The following MMP12 variants were observed in gnomAD, a reference collection of about 807,000 sequenced individuals.
The protein encoded by MMP12 is matrix metallopeptidase 12, also known as macrophage metalloelastase.
A neutral mutation model predicts 45.2 loss-of-function variants in MMP12; 51 were observed. That is an observed-to-expected ratio of 1.13 (90% CI 0.90 to 1.42). The LOEUF is 1.42. Among genes scored for constraint, MMP12 ranks in the 40% most tolerant of loss-of-function variants. The pLI, the probability that MMP12 is intolerant of heterozygous loss-of-function variation, is 0.00. For missense variants in MMP12, 530 were observed against 570.8 expected, an observed-to-expected ratio of 0.93 and a Z score of 0.73; for synonymous variants, 210 against 193.3, an observed-to-expected ratio of 1.09 and a Z score of -0.72.
rs1555009641 is a variant in MMP12, at chr11:102,873,053, T to G, written c.162A>C (p.Lys54Asn). The change falls in exon 2 of 10, where the codon AAA becomes AAC. Residue 54 changes from lysine (K) to asparagine (N), a missense_variant. Lys to Asn is a moderately conservative substitution (Grantham distance 94). Coordinates refer to ENST00000571244, the MANE Select transcript of MMP12 (RefSeq NM_002426.6). Reference sequence around the variant, plus strand: ...TTTCCTTCATTAAGTTTCCACTATATTTCATTTTTGTCACTGGAAGTTTGT... The same window carrying G: ...TTTCCTTCATTAAGTTTCCACTATAGTTCATTTTTGTCACTGGAAGTTTGT... ...EINKLPVTKM[K>N]YSGNLMKEKI... The G allele has an allele frequency of 1.2e-6, 2 of 1,613,252 alleles. No homozygotes were observed. Among genetic ancestry groups the G allele is most frequent in the Non-Finnish European group, 1.7e-6 (2 of 1,179,468 alleles).
chr11:102,866,275 T>C (rs1859384939), intron 7 of MMP12, 40 bp downstream of exon 7: 2 of 1,524,758 alleles, frequency 1.3e-6, no homozygotes, highest in Middle Eastern at 1.8e-4. Flanking sequence ...ATTCTCTTCC[T>C]TGAAGTAAAC....
At position 102,871,866 on chromosome 11, in the gene MMP12, G is replaced by C. The variant is rs961069992; in HGVS notation, c.437C>G (p.Pro146Arg). The change falls in exon 3 of 10, where the codon CCC becomes CGC. Residue 146 changes from proline (P) to arginine (R), a missense_variant. Coordinates refer to ENST00000571244, the MANE Select transcript of MMP12 (RefSeq NM_002426.6). ...KAFQVWSNVT[P>R]LKFSKINTGM... ...TGTGTTAATCTTGCTGAATTTCAAG[G>C]GGGTAACATTACTCCATACTTGGAA... 1.2e-6 allele frequency: 2 copies of C among 1,613,710 alleles called. No individual in the cohort carries two copies. Among genetic ancestry groups the C allele is most frequent in the African/African-American group, 2.7e-5 (2 of 74,914 alleles).
At chr11:102,873,341 T>C (rs1859536487) in intron 1 of MMP12, among the ~76,000 whole-genome samples, 1 of 152,192 alleles carries the variant, frequency 6.6e-6, no homozygotes, top group Non-Finnish European at 1.5e-5. Flanking sequence ...AGCTCAGGCC[T>C]GTAATCCCAG....
rs1431785153 is a variant in MMP12, at chr11:102,867,359, AG to A, written c.821del (p.Pro274LeufsTer13). On this transcript the variant is annotated frameshift_variant, in exon 6 of 10. Coordinates refer to ENST00000571244, the MANE Select transcript of MMP12 (RefSeq NM_002426.6). LOFTEE classifies it high-confidence loss of function. ...DPKENQRLPN[P>X]DNSEPALCDP... ...CACAGAGAGCTGGTTCTGAATTGTC[AG>A]GATTTGGCAAGCGTTGGTTCTCTTT... The A allele has an allele frequency of 6.2e-7, 1 of 1,611,504 alleles. No homozygotes were observed. Among genetic ancestry groups the A allele is most frequent in the Non-Finnish European group, 8.5e-7 (1 of 1,178,816 alleles).
At chr11:102,869,390 C>T (rs1486634019) in intron 4 of MMP12, among the ~76,000 whole-genome samples, 1 of 152,086 alleles carries the variant, frequency 6.6e-6, no homozygotes, top group Non-Finnish European at 1.5e-5. Flanking sequence ...TTATCCTAAA[C>T]CTGAACTATT....
At chr11:102,863,486 G>A (rs960218588) in intron 9 of MMP12, among the ~76,000 whole-genome samples, 1 of 151,952 alleles carries the variant, frequency 6.6e-6, no homozygotes, top group Non-Finnish European at 1.5e-5. Flanking sequence ...AAAAGTTGAG[G>A]GCCCTTGGTA....
In MMP12 at chr11:102,867,891, T is replaced by TA. The variant is rs1555008807; in HGVS notation, c.787+16dup. 6.2e-7 allele frequency: 1 copy of TA among 1,600,134 alleles called. No homozygotes were observed. Among genetic ancestry groups the TA allele is most frequent in the Non-Finnish European group, 8.5e-7 (1 of 1,172,612 alleles). On this transcript the variant is annotated intron_variant, in intron 5 of 9. Transcript: ENST00000571244. ...CGAGTATCTTTATATGGCAAAATGA[T>TA]AAAGAATTCAACTCACCATACAGGG...
chr11:102,873,226 C>T, intron 1 of MMP12, 114 bp from the exon 2 acceptor site: 1 of 878,636 alleles, frequency 1.1e-6, no homozygotes, highest in Non-Finnish European at 1.7e-6. Flanking sequence ...GAATTTTGCA[C>T]ATCTTACTCA....
intron 4 of MMP12, 49 bp from the exon 5 acceptor site, chr11:102,868,118 G>A (rs1565233557): frequency 3.5e-6 from 5 of 1,427,964 alleles, no homozygotes; most frequent in Non-Finnish European, 4.8e-6. Context: ...TTATCATCTT[G>A]GACAAGAACA....
chr11:102,867,808 A>G, intron 5 of MMP12, 100 bp downstream of exon 5: 1 of 1,299,884 alleles, frequency 7.7e-7, no homozygotes, highest in Non-Finnish European at 1.1e-6. Flanking sequence ...GCGGCTTAAA[A>G]AAAGACAGAT....
chr11:102,873,137 A>G (rs140752089), intron 1 of MMP12, 25 bp from the exon 2 acceptor site: 1 of 1,602,422 alleles, frequency 6.2e-7, no homozygotes, highest in Non-Finnish European at 8.5e-7. Flanking sequence ...ACATTCAGCA[A>G]TGTGTAAGTA....
In MMP12 at chr11:102,871,906, C is replaced by T. The variant is rs782297288; in HGVS notation, c.397G>A (p.Ala133Thr). 7.4e-6 allele frequency: 12 copies of T among 1,613,378 alleles called. No homozygotes were observed. Among genetic ancestry groups the T allele is most frequent in the East Asian group, 4.5e-5 (2 of 44,880 alleles). Residue 133 changes from alanine to threonine, a missense_variant, in exon 3 of 10, where the codon GCA (alanine) becomes ACA (threonine). Coordinates refer to ENST00000571244, the MANE Select transcript of MMP12 (RefSeq NM_002426.6). ...CATACTTGGAAAGCTTTCCGGATTG[C>T]GTAGTCAACATCCTCACGGTTCATG... ...PDMNREDVDY[A>T]IRKAFQVWSN...
chr11:102,871,796 T>C lies in MMP12; in HGVS notation c.499+8A>G, dbSNP rs782005243. The stretch of plus-strand genomic sequence containing the variant: ...CCAAATGACAAAGATGAAATACAAG[T>C]TCCCTACCTCCACGGGCAAAAACCA... On this transcript the variant is annotated splice_region_variant and intron_variant, in intron 3 of 9. Transcript: ENST00000571244. The C allele has an allele frequency of 6.2e-7, 1 of 1,613,096 alleles. No individual in the cohort carries two copies. Among genetic ancestry groups the C allele is most frequent in the East Asian group, 2.2e-5 (1 of 44,864 alleles).
At chr11:102,863,316 G>A in intron 9 of MMP12, 116 bp from the exon 10 acceptor site, 1 of 600,772 alleles carries the variant, frequency 1.7e-6, no homozygotes, top group Non-Finnish European at 2.8e-6. Flanking sequence ...TATGGGCTGT[G>A]GTTCATGCCC....
chr11:102,870,657 T>A (rs1555009223), intron 4 of MMP12, among the ~76,000 whole-genome samples: 2 of 151,986 alleles, frequency 1.3e-5, no homozygotes, highest in South Asian at 4.2e-4. Flanking sequence ...AACAGGGGAG[T>A]TTAATTAACC....
Position 102,863,046 on chromosome 11 carries a change from A to G in MMP12, c.*54T>C. 8.4e-7 allele frequency: 1 copy of G among 1,186,388 alleles called. No individual in the cohort carries two copies. The highest frequency in any genetic ancestry group is 1.2e-6 in the Non-Finnish European group (1 of 810,344). 73.5% of individuals were successfully genotyped at this position (1,186,388 alleles called of 1,614,324 possible). ...ACACTGAGGACATAGCAAATATGCA[A>G]TAAATACTTATTAAGCTGAAGTGAA... On this transcript the variant is annotated 3_prime_UTR_variant, in exon 10 of 10. Coordinates refer to ENST00000571244, the MANE Select transcript of MMP12 (RefSeq NM_002426.6).
chr11:102,865,856 G>A lies in MMP12; in HGVS notation c.1125C>T (p.Asn375=). 6.2e-7 allele frequency: 1 copy of A among 1,613,044 alleles called. No homozygotes were observed. The highest frequency in any genetic ancestry group is 8.5e-7 in the Non-Finnish European group (1 of 1,179,364). ...PKSIHSFGFP[N]FVKKIDAAVF... is the part of the protein sequence containing the mutation. ...CAGCTGCATCAATTTTTTTCACAAAGTTAGGAAAACCAAAAGAATGTATGC... is the reference window on the plus strand; with the variant it reads ...CAGCTGCATCAATTTTTTTCACAAAATTAGGAAAACCAAAAGAATGTATGC... Residue 375 remains asparagine (N), a synonymous_variant, in exon 8 of 10, where the codon AAC becomes AAT. Transcript: ENST00000571244. This position sits in a 1 kb window ranked among gnomAD's most constrained non-coding sequence, Gnocchi z 4.1.
At chr11:102,866,575 G>A in intron 6 of MMP12, 127 bp from the exon 7 acceptor site, 3 of 921,962 alleles carry the variant, frequency 3.3e-6, no homozygotes, top group African/African-American at 1.7e-5. Flanking sequence ...CTGTTCCATG[G>A]ATGTCTGATG....
chr11:102,868,963 C>G (rs1365207257), intron 4 of MMP12, among the ~76,000 whole-genome samples: 15 of 152,196 alleles, frequency 9.9e-5, no homozygotes, highest in African/African-American at 3.6e-4. Context: ...TTAAAATAGT[C>G]TGGCTTTATA....
Sources: gnomAD v4.1 joint callset for allele counts (sites outside exome capture counted in the v4.1 genomes callset) on GRCh38, gnomAD v4.1.1 for gene constraint, Gnocchi (gnomAD v3.1) non-coding constraint, MANE v1.5 for transcripts, NCBI Gene and HGNC (gene_info 2026-07-23, HGNC 2026-07-21) for gene names.